RAB3GAP1: variants seen among roughly 807,000 people sequenced by gnomAD.
The protein encoded by RAB3GAP1 is rab3 GTPase-activating protein catalytic subunit.
In RAB3GAP1, 86 loss-of-function variants were observed where a neutral mutation model predicts 130.7. That is an observed-to-expected ratio of 0.66 (90% CI 0.55 to 0.79). The LOEUF (loss-of-function observed/expected upper bound fraction) is 0.79. Ranked by LOEUF, RAB3GAP1 falls within the 30% of genes least tolerant of loss-of-function variation. RAB3GAP1 has a pLI of 0.00. For missense variants in RAB3GAP1, 1,029 were observed against 1,169.4 expected (o/e 0.88, Z 1.75); for synonymous variants, 367 against 401.7 (o/e 0.91, Z 1.03).
intron 2 of RAB3GAP1, among the ~76,000 whole-genome samples, chr2:135,053,155 C>G (rs1244181591): frequency 1.3e-5 from 2 of 152,194 alleles, no homozygotes; most frequent in African/African-American, 4.8e-5. Context: ...TTACGCCCAA[C>G]TAATTTTTTA....
intron 5 of RAB3GAP1, among the ~76,000 whole-genome samples, chr2:135,104,805 CTT>C (rs1690545519): frequency 6.6e-6 from 1 of 152,178 alleles, no homozygotes; most frequent in Non-Finnish European, 1.5e-5. Context: ...AGGAGAATCA[CTT>C]GAACCCAGGA....
intron 7 of RAB3GAP1, among the ~76,000 whole-genome samples, chr2:135,117,507 T>TCTG (rs1558784227): frequency 7.3e-6 from 1 of 137,388 alleles, no homozygotes. Flanking sequence ...TTCTTCTTCT[T>TCTG]CTTCTGCTTC....
At chr2:135,118,458 C>A (rs1262578108) in intron 7 of RAB3GAP1, among the ~76,000 whole-genome samples, 1 of 152,108 alleles carries the variant, frequency 6.6e-6, no homozygotes, top group Non-Finnish European at 1.5e-5. Flanking sequence ...TTCATAACTT[C>A]ATCTTTTCTT....
intron 6 of RAB3GAP1, among the ~76,000 whole-genome samples, chr2:135,114,054 G>A (rs58697996): frequency 0.29 from 43,867 of 151,998 alleles, 9,069 homozygotes; most frequent in African/African-American, 0.57. Flanking sequence ...CCAGTCTTAA[G>A]TAAACTCCAT....
rs575595971 is a variant in RAB3GAP1 at position 135,136,082 on chromosome 2, T to C, written c.1923+150T>C. On this transcript the variant is annotated intron_variant, in intron 17 of 23. Coordinates refer to ENST00000264158, the MANE Select transcript of RAB3GAP1 (RefSeq NM_012233.3). ...GGCTTACGCCTGTAATCCCAGCACT[T>C]TGGGAGGCTGAGGTGGGCAGATCAC... is the stretch of plus-strand genomic sequence containing the variant. The C allele has an allele frequency of 2.5e-3, 2,618 of 1,063,374 alleles. 19 individuals carry two copies. The highest frequency in any genetic ancestry group is 4.4e-3 in the Middle Eastern group (18 of 4,066). 65.9% of individuals were successfully genotyped at this position (1,063,374 alleles called of 1,614,324 possible). A position where few individuals can be genotyped will look rare whatever the true frequency, so the allele number is the denominator to read the frequency against.
At chr2:135,074,834 GA>G (rs745494507) in intron 3 of RAB3GAP1, among the ~76,000 whole-genome samples, 2 of 152,238 alleles carry the variant, frequency 1.3e-5, no homozygotes, top group Non-Finnish European at 2.9e-5. Flanking sequence ...GCACAGCAGA[GA>G]AGGGGCTGTC....
At chr2:135,136,623 C>T in intron 17 of RAB3GAP1, 1 of 847,072 alleles carries the variant, frequency 1.2e-6, no homozygotes, top group Non-Finnish European at 1.6e-6. Flanking sequence ...AAAAGAAAAT[C>T]CAACTGCACT....
chr2:135,164,756 G>T, intron 23 of RAB3GAP1, 60 bp downstream of exon 23: 1 of 1,391,892 alleles, frequency 7.2e-7, no homozygotes, highest in East Asian at 2.4e-5. Context: ...TTGGGAAGAG[G>T]CTGTTTTAGT....
Position 135,150,485 on chromosome 2 carries a change from C to G in RAB3GAP1, c.2040C>G (p.Leu680=). ...LRARMQSACL[L]SDMESFKAAN... The stretch of plus-strand genomic sequence containing the variant: ...CACGCATGCAGAGTGCCTGTCTGCT[C>G]TCAGATATGGAGTCTTTTAAGGTGG... The change falls in exon 18 of 24, where the codon CTC becomes CTG. Residue 680 remains leucine (L), a synonymous_variant. Coordinates refer to ENST00000264158, the MANE Select transcript of RAB3GAP1 (RefSeq NM_012233.3). The G allele has an allele frequency of 6.2e-7, 1 of 1,614,112 alleles. No individual in the cohort carries two copies. Among genetic ancestry groups the G allele is most frequent in the Non-Finnish European group, 8.5e-7 (1 of 1,180,022 alleles).
At chr2:135,116,905 A>T (rs539599341) in intron 7 of RAB3GAP1, among the ~76,000 whole-genome samples, 1 of 152,294 alleles carries the variant, frequency 6.6e-6, no homozygotes, top group Admixed American at 6.5e-5. Flanking sequence ...AATTGCTGAA[A>T]TTTCTTTTTA....
chr2:135,081,774 G>T (rs1558766838), intron 3 of RAB3GAP1, among the ~76,000 whole-genome samples: 1 of 151,972 alleles, frequency 6.6e-6, no homozygotes, highest in African/African-American at 2.4e-5. Flanking sequence ...ATTATAAACC[G>T]CCTGGGTTCT....
chr2:135,083,590 T>C (rs561482390), intron 3 of RAB3GAP1, among the ~76,000 whole-genome samples: 61 of 151,896 alleles, frequency 4.0e-4, no homozygotes, highest in African/African-American at 1.4e-3. Flanking sequence ...GCCTTCCAAG[T>C]AGGTAGAACT....
intron 2 of RAB3GAP1, 29 bp downstream of exon 2, chr2:135,052,514 C>T (rs1383437729): frequency 1.9e-6 from 3 of 1,612,210 alleles, no homozygotes; most frequent in Non-Finnish European, 1.7e-6. Flanking sequence ...TGGTTACCAG[C>T]TCCCATGGGC....
intron 11 of RAB3GAP1, 82 bp downstream of exon 11, chr2:135,126,738 A>G: frequency 8.3e-7 from 1 of 1,199,086 alleles, no homozygotes; most frequent in Non-Finnish European, 1.2e-6. Context: ...CATTCTTTAT[A>G]CTTTGTCACC....
At chr2:135,075,952 C>G (rs978835161) in intron 3 of RAB3GAP1, among the ~76,000 whole-genome samples, 3 of 149,040 alleles carry the variant, frequency 2.0e-5, no homozygotes, top group African/African-American at 7.4e-5. Context: ...CACTCTGTCG[C>G]CAGGCTGTAG....
chr2:135,133,930 A>G lies in RAB3GAP1; in HGVS notation c.1396A>G (p.Met466Val). 2 of 1,613,926 alleles carry G rather than the reference A, an allele frequency of 1.2e-6. No homozygotes were observed. The highest frequency in any genetic ancestry group is 1.7e-6 in the Non-Finnish European group (2 of 1,179,830). ...LTYKLALCLC[M>V]INFYHGGLKG... is the part of the protein sequence containing the mutation. The stretch of plus-strand genomic sequence containing the variant: ...ATACAAACTGGCTTTGTGTCTCTGT[A>G]TGATCAATTTTTACCATGGAGGGTT... Residue 466 changes from methionine (M) to valine (V), a missense_variant, in exon 15 of 24, where the codon ATG becomes GTG. Coordinates refer to ENST00000264158, the MANE Select transcript of RAB3GAP1 (RefSeq NM_012233.3).
intron 3 of RAB3GAP1, among the ~76,000 whole-genome samples, chr2:135,070,322 C>G (rs1689431793): frequency 6.6e-6 from 1 of 152,164 alleles, no homozygotes; most frequent in Non-Finnish European, 1.5e-5. Flanking sequence ...TTTAGGTCAA[C>G]ATGTGTAACT....
intron 5 of RAB3GAP1, among the ~76,000 whole-genome samples, chr2:135,103,845 G>A (rs1690519329): frequency 6.6e-6 from 1 of 152,154 alleles, no homozygotes; most frequent in Admixed American, 6.5e-5. Context: ...CCAATTCGAG[G>A]CAAGTGATGG....
intron 3 of RAB3GAP1, among the ~76,000 whole-genome samples, chr2:135,087,549 C>A (rs1261238324): frequency 6.6e-6 from 1 of 152,106 alleles, no homozygotes; most frequent in African/African-American, 2.4e-5. Context: ...TCTTTAATAT[C>A]TCTCTGCAGT....
Sources: allele counts gnomAD v4.1 joint callset (sites outside exome capture counted in the v4.1 genomes callset), GRCh38; gene constraint gnomAD v4.1.1; transcripts MANE v1.5; gene names NCBI Gene and HGNC (gene_info 2026-07-23, HGNC 2026-07-21).